Variants in CYP4F11 observed in about 807,000 individuals in gnomAD.
CYP4F11 encodes the protein cytochrome P450 family 4 subfamily F member 11, also known as cytochrome P450 4F11.
CYP4F11 carries 79 observed loss-of-function variants against 62.2 expected under a neutral mutation model. The observed-to-expected ratio is 1.27, with a 90% confidence interval of 1.06 to 1.53. The LOEUF is 1.53. CYP4F11 is among the 40% of genes most tolerant of loss of function. The pLI is 0.00. For synonymous variants in CYP4F11, 290 were observed against 263.7 expected (o/e 1.10, Z -0.97); for missense variants, 777 against 680.5 (o/e 1.14, Z -1.58).
In CYP4F11 at chr19:15,927,197, G is replaced by A; in HGVS notation, c.525+15C>T. ...CCCAAGGCTCCAGCTGGGACCCAGA[G>A]TTCAAGGGACTCACGTGCATGATGT... On this transcript the variant is annotated intron_variant, in intron 4 of 11. Transcript: ENST00000402119. 6.2e-7 allele frequency: 1 copy of A among 1,612,480 alleles called. No individual in the cohort carries two copies. The highest frequency in any genetic ancestry group is 2.2e-5 in the East Asian group (1 of 44,874).
At chr19:15,929,838 G>A (rs900577798) in intron 1 of CYP4F11, among the ~76,000 whole-genome samples, 2 of 152,150 alleles carry the variant, frequency 1.3e-5, no homozygotes, top group Non-Finnish European at 2.9e-5. Context: ...TCCTTTGATG[G>A]TGCAGATACA....
chr19:15,917,654 G>A (rs2089593243), intron 8 of CYP4F11, among the ~76,000 whole-genome samples: 1 of 152,082 alleles, frequency 6.6e-6, no homozygotes. Context: ...CTAACCAAAA[G>A]TGTCCCCAAG....
In CYP4F11 at chr19:15,922,351, C is replaced by A. The variant is rs762783310; in HGVS notation, c.985+13G>T. 4 of 1,614,156 alleles carry A rather than the reference C, an allele frequency of 2.5e-6. No individual in the cohort carries two copies. Among genetic ancestry groups the A allele is most frequent in the Non-Finnish European group, 3.4e-6 (4 of 1,180,002 alleles). On this transcript the variant is annotated intron_variant, in intron 7 of 11. Transcript: ENST00000402119. ...CCCCTGTCCCCACCGTAGTCCCACA[C>A]TGAGACCCTCACCCTCAAACATGAA...
intron 1 of CYP4F11, among the ~76,000 whole-genome samples, chr19:15,930,342 G>A (rs2089703381): frequency 6.6e-6 from 1 of 152,144 alleles, no homozygotes; most frequent in Non-Finnish European, 1.5e-5. Context: ...TGTAATCCCA[G>A]CACTTTGGGA....
At position 15,924,804 on chromosome 19, in the gene CYP4F11, T is replaced by C. The variant is rs922424053; in HGVS notation, c.604A>G (p.Ser202Gly). 6.2e-7 allele frequency: 1 copy of C among 1,613,016 alleles called. No individual in the cohort carries two copies. The highest frequency in any genetic ancestry group is 8.5e-7 in the Non-Finnish European group (1 of 1,179,302). ...FEHISLMTLD[S>G]LQKCVFSFES... is the part of the protein sequence containing the mutation. ...AAGCTGAAGACACATTTCTGCAGAC[T>C]GTCCAAGGTCATGAGGCTGATGTGT... is the stretch of plus-strand genomic sequence containing the variant. The change falls in exon 5 of 12, where the codon AGT becomes GGT. Residue 202 changes from serine to glycine, a missense_variant. Coordinates refer to ENST00000402119, the MANE Select transcript of CYP4F11 (RefSeq NM_021187.4).
chr19:15,925,625 A>T (rs2089662675), intron 4 of CYP4F11, among the ~76,000 whole-genome samples: 1 of 151,858 alleles, frequency 6.6e-6, no homozygotes, highest in Non-Finnish European at 1.5e-5. Flanking sequence ...TGGCACATTT[A>T]TACCTACGTA....
Position 15,934,351 on chromosome 19 carries a change from G to A in CYP4F11, c.58C>T (p.Leu20=). 6.2e-7 allele frequency: 1 copy of A among 1,613,406 alleles called. No homozygotes were observed. Among genetic ancestry groups the A allele is most frequent in the Non-Finnish European group, 8.5e-7 (1 of 1,179,670 alleles). Residue 20 remains leucine (L), a synonymous_variant, in exon 1 of 12, where the codon CTG becomes TTG. Coordinates refer to ENST00000402119, the MANE Select transcript of CYP4F11 (RefSeq NM_021187.4). ...GAGCCTCCAACCAGCAGCAGAAGCA[G>A]CCACGGGGATGCTGCCACGGGCCCG... ...GLGPVAASPW[L]LLLLVGGSWL... is the part of the protein sequence containing the mutation.
At chr19:15,923,743 AG>A in intron 6 of CYP4F11, 68 bp downstream of exon 6, 2 of 1,551,414 alleles carry the variant, frequency 1.3e-6, no homozygotes, top group Non-Finnish European at 1.7e-6. Context: ...ATCAAGTCCA[AG>A]TTCTTTCATT....
In CYP4F11 at chr19:15,923,825, A is replaced by C; in HGVS notation, c.905T>G (p.Leu302Arg). The change falls in exon 6 of 12, where the codon CTT becomes CGT. Residue 302 changes from leucine (L) to arginine (R), a missense_variant. Transcript: ENST00000402119. ...AGAGAAGCCTACCTTGCTCAGCAGA[A>C]GCACATCAATGAAGTCTAAAGTCTT... ...KSKTLDFIDV[L>R]LLSKDEDGKE... The C allele has an allele frequency of 6.2e-7, 1 of 1,612,906 alleles. No individual in the cohort carries two copies. Among genetic ancestry groups the C allele is most frequent in the Non-Finnish European group, 8.5e-7 (1 of 1,178,884 alleles).
intron 4 of CYP4F11, among the ~76,000 whole-genome samples, chr19:15,925,840 C>A (rs1484125972): frequency 6.6e-6 from 1 of 151,386 alleles, no homozygotes; most frequent in African/African-American, 2.4e-5. Context: ...TGCTCCTGGA[C>A]ACATATCAGG....
chr19:15,916,837 G>A (rs1014072025), intron 8 of CYP4F11, among the ~76,000 whole-genome samples: 1 of 152,146 alleles, frequency 6.6e-6, no homozygotes, highest in Non-Finnish European at 1.5e-5. Flanking sequence ...ATGTAAATTA[G>A]TACAACCTCT....
In CYP4F11 at chr19:15,922,400, C is replaced by T. The variant is rs2089636243; in HGVS notation, c.949G>A (p.Asp317Asn). 2.5e-6 allele frequency: 4 copies of T among 1,614,168 alleles called. No individual in the cohort carries two copies. The African/African-American group carries it at 5.3e-5, about 22-fold the overall frequency. The part of the protein sequence containing the change: ...DEDGKELSDE[D>N]IRAEADTFMF... Reference sequence around the variant, plus strand: ...AAGGTGTCAGCTTCTGCTCTTATGTCCTCATCAGACAATTCCTTCCCATCT... The same window carrying T: ...AAGGTGTCAGCTTCTGCTCTTATGTTCTCATCAGACAATTCCTTCCCATCT... Residue 317 changes from aspartate (D) to asparagine (N), a missense_variant, in exon 7 of 12, where the codon GAC (aspartate) becomes AAC (asparagine). Transcript: ENST00000402119.
chr19:15,923,941 C>T lies in CYP4F11; in HGVS notation c.789G>A (p.Val263=). 6.2e-7 allele frequency: 1 copy of T among 1,614,158 alleles called. No individual in the cohort carries two copies. The highest frequency in any genetic ancestry group is 8.5e-7 in the Non-Finnish European group (1 of 1,180,030). Residue 263 remains valine, a synonymous_variant, in exon 6 of 12, where the codon GTG becomes GTA. Coordinates refer to ENST00000402119, the MANE Select transcript of CYP4F11 (RefSeq NM_021187.4). ...GGATGACGGCATCTGTGAAGTCGTG[C>T]ACCAGGTGGCAGGCCCTGCGGAAGC... ...GQRFRRACHL[V]HDFTDAVIQE...
chr19:15,924,120 C>G (rs1412447007), intron 5 of CYP4F11, 38 bp from the exon 6 acceptor site: 1 of 1,593,378 alleles, frequency 6.3e-7, no homozygotes, highest in East Asian at 2.2e-5. Flanking sequence ...TATGCAAAGT[C>G]CCAGGAGCAC....
intron 4 of CYP4F11, among the ~76,000 whole-genome samples, chr19:15,926,318 T>C (rs993202280): frequency 1.3e-5 from 2 of 152,346 alleles, no homozygotes; most frequent in Non-Finnish European, 1.5e-5. Flanking sequence ...TGCTGCTTGC[T>C]ATGCCGTGAG....
At position 15,934,271 on chromosome 19, in the gene CYP4F11, G is replaced by C; in HGVS notation, c.138C>G (p.Arg46=). 1 of 1,613,862 alleles carries C rather than the reference G, an allele frequency of 6.2e-7. No individual in the cohort carries two copies. The highest frequency in any genetic ancestry group is 8.5e-7 in the Non-Finnish European group (1 of 1,179,846). The change falls in exon 1 of 12, where the codon CGC becomes CGG. Residue 46 remains arginine (R), a synonymous_variant. Transcript: ENST00000402119. ...AWTYTFYDNC[R]RLQCFPQPPK... ...GGGGTTGAGGAAAACACTGGAGGCG[G>C]CGGCAGTTGTCATAGAAGGTGTAGG... is the stretch of plus-strand genomic sequence containing the variant.
chr19:15,924,626 T>C (rs2089655002), intron 5 of CYP4F11, 135 bp downstream of exon 5: 1 of 975,830 alleles, frequency 1.0e-6, no homozygotes, highest in African/African-American at 1.6e-5. Context: ...CCCCTCCCCA[T>C]CCTTCAAAGC....
In CYP4F11 at chr19:15,913,726, G is replaced by A; in HGVS notation, c.*6C>T. The A allele has an allele frequency of 6.2e-7, 1 of 1,613,966 alleles. No homozygotes were observed. Among genetic ancestry groups the A allele is most frequent in the Non-Finnish European group, 8.5e-7 (1 of 1,179,912 alleles). On this transcript the variant is annotated 3_prime_UTR_variant, in exon 12 of 12. Coordinates refer to ENST00000402119, the MANE Select transcript of CYP4F11 (RefSeq NM_021187.4). ...CTCTACAGAGGTGGGTGGGTGGGTA[G>A]GACAGTCACTGTGAGTTCGCACCCA... is the stretch of plus-strand genomic sequence containing the variant.
intron 1 of CYP4F11, among the ~76,000 whole-genome samples, chr19:15,933,905 C>CAGAGGAATGAGTGAGCGAGG (rs2089751770): frequency 9.3e-5 from 1 of 10,790 alleles, no homozygotes; most frequent in African/African-American, 3.3e-4. Context: ...AGTGAGTGGG[C>CAGAGGAATGAGTGAGCGAGG]AGAGGAATGA....
Sources: gnomAD v4.1 joint callset for allele counts (sites outside exome capture counted in the v4.1 genomes callset) on GRCh38, gnomAD v4.1.1 for gene constraint, MANE v1.5 for transcripts, NCBI Gene and HGNC (gene_info 2026-07-23, HGNC 2026-07-21) for gene names.